The following MYT1L variants were observed in gnomAD, a reference collection of about 807,000 sequenced individuals.
MYT1L encodes myelin transcription factor 1 like.
Under a neutral mutation model 126.7 loss-of-function variants are expected in MYT1L, and 12 were observed. The observed-to-expected ratio is 0.09, with a 90% CI of 0.06 to 0.15. The LOEUF is 0.15. Ranked by LOEUF, MYT1L falls within the 10% of genes least tolerant of loss-of-function variation. The pLI, the probability that MYT1L is intolerant of heterozygous loss-of-function variation, is 1.00. For missense variants in MYT1L, 979 were observed against 1,585.2 expected (o/e 0.62, Z 6.49); for synonymous variants, 541 against 604.2 (o/e 0.90, Z 1.53).
intron 21 of MYT1L, among the ~76,000 whole-genome samples, chr2:1,812,593 C>A (rs1255676499): frequency 6.6e-6 from 1 of 152,194 alleles, no homozygotes; most frequent in East Asian, 1.9e-4. Flanking sequence ...AGAGAAGACT[C>A]TTAGCCGGGC....
At chr2:2,159,917 C>T (rs192116799) in intron 3 of MYT1L, among the ~76,000 whole-genome samples, 1 of 152,138 alleles carries the variant, frequency 6.6e-6, no homozygotes. Context: ...ATTCAAAAGC[C>T]CAAAGTGCTC....
At chr2:1,831,251 C>G (rs1211034486) in intron 21 of MYT1L, among the ~76,000 whole-genome samples, 2 of 152,198 alleles carry the variant, frequency 1.3e-5, no homozygotes, top group African/African-American at 4.8e-5. Flanking sequence ...GGACCCCCAG[C>G]TCCCCAGTGC....
chr2:1,835,655 C>T (rs1291428228), intron 21 of MYT1L, among the ~76,000 whole-genome samples: 4 of 152,174 alleles, frequency 2.6e-5, no homozygotes, highest in East Asian at 1.9e-4. Flanking sequence ...GCCACTACTC[C>T]GGGTTTTCCT....
chr2:2,121,625 T>TACAGGTGCGC (rs1028631592), intron 3 of MYT1L, among the ~76,000 whole-genome samples: 5 of 152,040 alleles, frequency 3.3e-5, no homozygotes, highest in Non-Finnish European at 2.9e-5. Flanking sequence ...TAGCTGGGAT[T>TACAGGTGCGC]ACAGGTGCGC....
At position 1,839,211 on chromosome 2, in the gene MYT1L, G is replaced by C; in HGVS notation, c.3018C>G (p.Ser1006=). The C allele has an allele frequency of 6.2e-7, 1 of 1,613,628 alleles. No individual in the cohort carries two copies. The highest frequency in any genetic ancestry group is 8.5e-7 in the Non-Finnish European group (1 of 1,179,880). ...SWKSVKTEGM[S]CPTPGCDGSG... ...AGCCGTCGCATCCTGGCGTGGGGCA[G>C]GACATGCCTTCCGTCTTGACCGACT... The change falls in exon 21 of 25, where the codon TCC becomes TCG. Residue 1006 remains serine (S), a synonymous_variant. Coordinates refer to ENST00000647738, the MANE Select transcript of MYT1L (RefSeq NM_001303052.2).
chr2:1,797,305 G>A (rs1447119273), intron 23 of MYT1L, among the ~76,000 whole-genome samples: 2 of 152,130 alleles, frequency 1.3e-5, no homozygotes, highest in South Asian at 2.1e-4. Flanking sequence ...CTCTCTGCAA[G>A]CTCCACCTCC....
chr2:1,866,917 A>C lies in MYT1L; in HGVS notation c.2712-15214T>G, dbSNP rs1573012997. 5.9e-5 allele frequency among the ~76,000 whole-genome samples: 8 copies of C among 134,804 alleles called. No individual in the cohort carries two copies. In the Admixed American group the frequency reaches 5.9e-4, roughly 10 times the overall value. 88.4% of individuals were successfully genotyped at this position (134,804 alleles called of 152,430 possible). A position where few individuals can be genotyped will look rare whatever the true frequency, so the allele number is the denominator to read the frequency against. On this transcript the variant is annotated intron_variant, in intron 18 of 24. Transcript: ENST00000647738. The stretch of plus-strand genomic sequence containing the variant: ...AAGGGTGAGAGACAGAGGCAGGCAG[A>C]GAGTGAGAGGGTGGGGAAAGGCAGG...
intron 19 of MYT1L, chr2:1,841,626 A>T (rs996398778): frequency 6.6e-6 from 1 of 152,328 alleles, no homozygotes; most frequent in Non-Finnish European, 1.5e-5. Flanking sequence ...GAGCAGAAGC[A>T]GTCGGGAGTC....
intron 8 of MYT1L, among the ~76,000 whole-genome samples, chr2:1,957,698 C>T (rs551272569): frequency 6.6e-6 from 1 of 152,142 alleles, no homozygotes; most frequent in Non-Finnish European, 1.5e-5. Context: ...TACAGAGGTG[C>T]AGCAGTGGGC....
chr2:2,010,131 T>C (rs1026627671), intron 4 of MYT1L, among the ~76,000 whole-genome samples: 7 of 152,092 alleles, frequency 4.6e-5, no homozygotes, highest in Non-Finnish European at 8.8e-5. Context: ...AAATGGAGAG[T>C]ACACCAAGGC....
chr2:2,254,939 T>C (rs1364145913), intron 2 of MYT1L, among the ~76,000 whole-genome samples: 1 of 152,206 alleles, frequency 6.6e-6, no homozygotes, highest in Non-Finnish European at 1.5e-5. Flanking sequence ...TTCTATAATA[T>C]ACATGTGCCA....
intron 8 of MYT1L, among the ~76,000 whole-genome samples, chr2:1,966,985 G>A (rs1043384346): frequency 4.6e-5 from 7 of 152,070 alleles, no homozygotes; most frequent in Admixed American, 1.3e-4. Flanking sequence ...GGGAAGCAAC[G>A]ACCACCAGTA....
chr2:2,203,243 T>C (rs1021941269), intron 2 of MYT1L, among the ~76,000 whole-genome samples: 1 of 148,622 alleles, frequency 6.7e-6, no homozygotes, highest in Admixed American at 6.7e-5. Flanking sequence ...ACCACTCCTA[T>C]TCAACATAGT....
chr2:2,185,626 C>A (rs1247537519), intron 2 of MYT1L, among the ~76,000 whole-genome samples: 4,689 of 108,548 alleles, frequency 0.043, 217 homozygotes, highest in African/African-American at 0.089. Context: ...CGCGTTCCTT[C>A]TGTGAGGCGG....
At chr2:2,175,416 G>A (rs977410197) in intron 2 of MYT1L, among the ~76,000 whole-genome samples, 1 of 152,064 alleles carries the variant, frequency 6.6e-6, no homozygotes. Flanking sequence ...CACACCTGTA[G>A]GATTAGCTAC....
chr2:2,024,151 C>T (rs2065303474), intron 4 of MYT1L, among the ~76,000 whole-genome samples: 1 of 152,198 alleles, frequency 6.6e-6, no homozygotes. Context: ...TGCCACTACT[C>T]TTACTAAAAT....
chr2:2,075,406 A>T (rs113970911), intron 3 of MYT1L, among the ~76,000 whole-genome samples: 14 of 152,286 alleles, frequency 9.2e-5, no homozygotes, highest in African/African-American at 3.1e-4. Flanking sequence ...ATTCACAGTC[A>T]TCTGGACCCC....
chr2:2,267,647 T>C (rs2095166771), intron 2 of MYT1L, among the ~76,000 whole-genome samples: 1 of 151,808 alleles, frequency 6.6e-6, no homozygotes, highest in East Asian at 1.9e-4. Context: ...TGGGCTGAAG[T>C]GGGAAGGTGC....
At chr2:2,273,345 A>C (rs1322862104) in intron 2 of MYT1L, among the ~76,000 whole-genome samples, 3 of 152,204 alleles carry the variant, frequency 2.0e-5, no homozygotes, top group Non-Finnish European at 4.4e-5. Context: ...CTGATAAATG[A>C]GATGTTTGGA....
Sources: gnomAD v4.1 joint callset for allele counts (sites outside exome capture counted in the v4.1 genomes callset) on GRCh38, gnomAD v4.1.1 for gene constraint, MANE v1.5 for transcripts, NCBI Gene and HGNC (gene_info 2026-07-23, HGNC 2026-07-21) for gene names.